The following ARAP2 variants were observed in gnomAD, a reference collection of about 807,000 sequenced individuals.
The protein encoded by ARAP2 is ArfGAP with RhoGAP domain, ankyrin repeat and PH domain 2.
In ARAP2, 148 loss-of-function variants were observed where a neutral mutation model predicts 194.5. That is an observed-to-expected ratio of 0.76 (90% CI 0.67 to 0.87). The LOEUF (loss-of-function observed/expected upper bound fraction) is 0.87, where lower values mean the gene tolerates loss of function less well. Ranked by LOEUF, ARAP2 falls within the 40% of genes least tolerant of loss-of-function variation. The probability of loss-of-function intolerance (pLI) is 0.00; values close to 1 mark genes in which losing one functional copy is unlikely to be tolerated. For synonymous variants in ARAP2, 695 were observed against 683.5 expected, an observed-to-expected ratio of 1.02 and a Z score of -0.26; for missense variants, 2,128 against 1,989.7, an observed-to-expected ratio of 1.07 and a Z score of -1.32.
chr4:36,079,776 A>T (rs187885605), intron 31 of ARAP2, among the ~76,000 whole-genome samples: 3 of 152,300 alleles, frequency 2.0e-5, no homozygotes, highest in Non-Finnish European at 2.9e-5. Context: ...AGTATCTAGC[A>T]CACAATAGTT....
chr4:36,163,109 C>T (rs751788819), intron 11 of ARAP2, among the ~76,000 whole-genome samples: 25 of 151,992 alleles, frequency 1.6e-4, no homozygotes, highest in Non-Finnish European at 3.2e-4. Flanking sequence ...TGTCCAACAG[C>T]GTGAGAATCA....
chr4:36,044,033 A>G (rs181101890), intron 5 of ARAP2, among the ~76,000 whole-genome samples: 3 of 152,246 alleles, frequency 2.0e-5, no homozygotes, highest in African/African-American at 7.2e-5. Flanking sequence ...ATAACTCAGG[A>G]AATGCGCACC....
chr4:36,136,048 C>A (rs919380522), intron 19 of ARAP2, among the ~76,000 whole-genome samples: 1 of 151,706 alleles, frequency 6.6e-6, no homozygotes, highest in South Asian at 2.1e-4. Flanking sequence ...TGTCAAAGGG[C>A]GAATCCTAAA....
chr4:36,153,684 G>C (rs1346929400), intron 15 of ARAP2, among the ~76,000 whole-genome samples: 4 of 152,172 alleles, frequency 2.6e-5, no homozygotes, highest in African/African-American at 4.8e-5. Flanking sequence ...TGCTACCATG[G>C]AATGATATGC....
chr4:36,028,422 A>C (rs1718309478), intron 5 of ARAP2, among the ~76,000 whole-genome samples: 1 of 151,856 alleles, frequency 6.6e-6, no homozygotes, highest in Admixed American at 6.6e-5. Flanking sequence ...AAATTTGATT[A>C]TTTTTATTTT....
chr4:36,162,503 G>T (rs1560567005), intron 11 of ARAP2, among the ~76,000 whole-genome samples: 1 of 151,192 alleles, frequency 6.6e-6, no homozygotes, highest in Admixed American at 6.6e-5. Context: ...AGCTGAGAAG[G>T]AAAAAAAGTG....
At chr4:36,235,345 G>A (rs1021996918) in intron 1 of ARAP2, among the ~76,000 whole-genome samples, 1 of 152,186 alleles carries the variant, frequency 6.6e-6, no homozygotes, top group Non-Finnish European at 1.5e-5. Flanking sequence ...GACAGCCTCA[G>A]GGCCAGCCTC....
At chr4:36,152,228 G>C (rs1460165925) in intron 15 of ARAP2, among the ~76,000 whole-genome samples, 2 of 152,128 alleles carry the variant, frequency 1.3e-5, no homozygotes, top group Non-Finnish European at 2.9e-5. Flanking sequence ...ATGGACAATG[G>C]AAAAGAAAGT....
chr4:36,069,707 T>C (rs187018999), intron 32 of ARAP2, among the ~76,000 whole-genome samples: 34 of 152,258 alleles, frequency 2.2e-4, no homozygotes. Flanking sequence ...AGTAATAACA[T>C]ACATAATGCT....
At chr4:36,053,240 G>A (rs188775327) in intron 2 of ARAP2, among the ~76,000 whole-genome samples, 44 of 151,796 alleles carry the variant, frequency 2.9e-4, no homozygotes, top group African/African-American at 9.9e-4. Context: ...TTTTGACTTC[G>A]TGATCCACCC....
At chr4:36,050,638 T>C (rs73123437) in intron 3 of ARAP2, among the ~76,000 whole-genome samples, 3,315 of 152,292 alleles carry the variant, frequency 0.022, 143 homozygotes, top group African/African-American at 0.075. Flanking sequence ...CTTGTACTTT[T>C]TTTCTAGAAG....
chr4:36,106,599 G>A (rs1718470386), intron 27 of ARAP2, among the ~76,000 whole-genome samples: 1 of 151,866 alleles, frequency 6.6e-6, no homozygotes. Context: ...GCACTGAAGA[G>A]CTGTACCATC....
chr4:36,007,501 G>A (rs1309991933), intron 9 of ARAP2, among the ~76,000 whole-genome samples: 1 of 152,138 alleles, frequency 6.6e-6, no homozygotes, highest in East Asian at 1.9e-4. Flanking sequence ...ATTGGAAGAG[G>A]CAAGCAAAGA....
intron 32 of ARAP2, among the ~76,000 whole-genome samples, chr4:36,069,347 A>C (rs1726268720): frequency 6.6e-6 from 1 of 152,196 alleles, no homozygotes; most frequent in Admixed American, 6.5e-5. Context: ...GAAATGTTTA[A>C]TATCTAGCTT....
At chr4:36,098,236 C>T (rs927526446) in intron 27 of ARAP2, among the ~76,000 whole-genome samples, 6 of 151,914 alleles carry the variant, frequency 3.9e-5, no homozygotes, top group Admixed American at 3.3e-4. Context: ...GATATATATC[C>T]CCCGCTTTAC....
intron 9 of ARAP2, among the ~76,000 whole-genome samples, chr4:36,010,799 G>A (rs1010805195): frequency 6.6e-6 from 1 of 152,054 alleles, no homozygotes; most frequent in African/African-American, 2.4e-5. Flanking sequence ...GGGATATATG[G>A]TAAGATAGCA....
At chr4:36,070,986 C>T (rs995122706) in intron 32 of ARAP2, among the ~76,000 whole-genome samples, 1 of 152,148 alleles carries the variant, frequency 6.6e-6, no homozygotes, top group Non-Finnish European at 1.5e-5. Flanking sequence ...TCTACCACAT[C>T]AAACTGTGCT....
At chr4:36,212,722 A>G (rs1226538422) in intron 4 of ARAP2, among the ~76,000 whole-genome samples, 1 of 151,916 alleles carries the variant, frequency 6.6e-6, no homozygotes. Context: ...TTCAAGTAAG[A>G]ATAAAAGAAA....
At position 36,147,548 on chromosome 4, in the gene ARAP2, T is replaced by C. The variant is rs751980095; in HGVS notation, c.3199A>G (p.Thr1067Ala). Residue 1067 changes from threonine to alanine, a missense_variant and splice_region_variant, in exon 18 of 33, where the codon ACA becomes GCA. Physicochemically the swap from Thr to Ala is moderately conservative, Grantham distance 58. Coordinates refer to ENST00000303965, the MANE Select transcript of ARAP2 (RefSeq NM_015230.4). ...RMHLRRLQEL[T>A]ISTMVQNGEK... ...GATAAGGGAAGAAAAAAGCTCTTAC[T>C]TAGCTCTTGCAGTCTTCTTAAGTGC... 1 of 1,605,338 alleles carries C rather than the reference T, an allele frequency of 6.2e-7. No homozygotes were observed. Among genetic ancestry groups the C allele is most frequent in the Non-Finnish European group, 8.5e-7 (1 of 1,177,414 alleles).
Sources: gnomAD v4.1 joint callset for allele counts (sites outside exome capture counted in the v4.1 genomes callset) on GRCh38, gnomAD v4.1.1 for gene constraint, MANE v1.5 for transcripts, NCBI Gene and HGNC (gene_info 2026-07-23, HGNC 2026-07-21) for gene names.